The following SNX1 variants were observed in gnomAD, a reference collection of about 807,000 sequenced individuals.
SNX1 encodes sorting nexin 1.
SNX1 carries 36 observed loss-of-function variants against 71.8 expected under a neutral mutation model. The observed-to-expected ratio is 0.50, with a 90% CI of 0.38 to 0.66. SNX1 has a LOEUF of 0.66. SNX1 is among the 30% of genes least tolerant of loss of function. The pLI, the probability that SNX1 is intolerant of heterozygous loss-of-function variation, is 0.00. For missense variants in SNX1, 612 were observed against 646.7 expected (o/e 0.95, Z 0.58); for synonymous variants, 254 against 240.7 (o/e 1.06, Z -0.51).
At chr15:64,112,493 G>A (rs2081086493) in intron 1 of SNX1, 80 bp from the exon 2 acceptor site, 1 of 797,958 alleles carries the variant, frequency 1.3e-6, no homozygotes, top group Non-Finnish European at 2.1e-6. Context: ...AACTGAGGGA[G>A]GCATTAAAAG....
At chr15:64,116,988 A>G (rs180846196) in intron 2 of SNX1, among the ~76,000 whole-genome samples, 26 of 152,296 alleles carry the variant, frequency 1.7e-4, no homozygotes, top group Middle Eastern at 6.8e-3. Context: ...CACAAATTGG[A>G]TAGCATATAG....
Position 64,134,633 on chromosome 15 carries a change from G to T in SNX1, c.1222-31G>T, listed in dbSNP as rs1567332869. 2 of 1,593,868 alleles carry T rather than the reference G, an allele frequency of 1.3e-6. No individual in the cohort carries two copies. The highest frequency in any genetic ancestry group is 2.3e-5 in the South Asian group (2 of 87,962). ...AGCCAGCAGAGCTCTTGAAGAGCTG[G>T]TTGTGCTCCTCCTCAACCCCACCCC... On this transcript the variant is annotated intron_variant, in intron 11 of 14. Coordinates refer to ENST00000559844, the MANE Select transcript of SNX1 (RefSeq NM_003099.5). This position sits in a 1 kb window ranked among gnomAD's most constrained non-coding sequence, Gnocchi z 4.1.
chr15:64,111,180 T>C (rs886186623), intron 1 of SNX1, among the ~76,000 whole-genome samples: 8 of 152,104 alleles, frequency 5.3e-5, no homozygotes, highest in African/African-American at 1.9e-4. Context: ...TGGTTGGTTA[T>C]TGGTGATGTG....
chr15:64,116,419 C>T (rs1238976728), intron 2 of SNX1, among the ~76,000 whole-genome samples: 2 of 152,158 alleles, frequency 1.3e-5, no homozygotes, highest in Non-Finnish European at 1.5e-5. Flanking sequence ...GTTTTATACT[C>T]CCACCCCAGA....
At chr15:64,100,604 CAAAAAAAA>C (rs34663775) in intron 1 of SNX1, among the ~76,000 whole-genome samples, 133 of 102,564 alleles carry the variant, frequency 1.3e-3, no homozygotes, top group Non-Finnish European at 1.3e-3. Context: ...AACTCCATCT[CAAAAAAAA>C]AAAAAAAAAA....
intron 9 of SNX1, 57 bp from the exon 10 acceptor site, chr15:64,130,171 G>A (rs566936527): frequency 6.6e-7 from 1 of 1,523,742 alleles, no homozygotes; most frequent in African/African-American, 1.4e-5. Context: ...GCTAAAGAAA[G>A]ACTGTACTGC....
intron 1 of SNX1, among the ~76,000 whole-genome samples, chr15:64,105,652 C>T (rs375536966): frequency 1.3e-5 from 2 of 152,168 alleles, no homozygotes; most frequent in Admixed American, 6.5e-5. Flanking sequence ...GATTCTTCTG[C>T]GGTTTTCTGG....
At chr15:64,135,036 C>T (rs1343886552) in intron 12 of SNX1, 10 of 535,630 alleles carry the variant, frequency 1.9e-5, no homozygotes, top group East Asian at 6.7e-5. Flanking sequence ...ATCTCTGGCC[C>T]GGCATGGTGG....
intron 13 of SNX1, among the ~76,000 whole-genome samples, chr15:64,136,645 C>T (rs776624497): frequency 5.3e-5 from 8 of 152,152 alleles, no homozygotes; most frequent in Non-Finnish European, 1.0e-4. Flanking sequence ...CATATACCCT[C>T]GGTCCCCTGT....
chr15:64,102,968 C>T (rs909758999), intron 1 of SNX1, among the ~76,000 whole-genome samples: 3 of 151,710 alleles, frequency 2.0e-5, no homozygotes, highest in African/African-American at 2.4e-5. Flanking sequence ...GGTTTTGCCA[C>T]GTTGCCTAGG....
chr15:64,100,872 C>G (rs1426398677), intron 1 of SNX1, among the ~76,000 whole-genome samples: 1 of 152,218 alleles, frequency 6.6e-6, no homozygotes, highest in Admixed American at 6.5e-5. Flanking sequence ...GTGGCACCAT[C>G]ATGGCTCACT....
At chr15:64,136,489 G>A (rs1439133523) in intron 13 of SNX1, 79 bp downstream of exon 13, 26 of 1,272,888 alleles carry the variant, frequency 2.0e-5, no homozygotes, top group Non-Finnish European at 2.9e-5. Flanking sequence ...CAACTCTGTT[G>A]GGTAAAGAGA....
chr15:64,096,712 T>A (rs1393586345), intron 1 of SNX1, among the ~76,000 whole-genome samples: 1 of 152,170 alleles, frequency 6.6e-6, no homozygotes, highest in Non-Finnish European at 1.5e-5. Context: ...TCTAGGAAAA[T>A]CAGGCCAGAG....
chr15:64,136,269 G>A (rs1399468984), intron 12 of SNX1, 61 bp from the exon 13 acceptor site: 13 of 1,348,130 alleles, frequency 9.6e-6, no homozygotes, highest in Non-Finnish European at 1.3e-5. Context: ...CTGTCCAAAT[G>A]TGAAGGCTTA....
intron 4 of SNX1, among the ~76,000 whole-genome samples, chr15:64,119,198 C>G (rs544946254): frequency 6.6e-6 from 1 of 152,258 alleles, no homozygotes; most frequent in East Asian, 1.9e-4. Flanking sequence ...AGCTCACTAT[C>G]ATCTCCAGCT....
At chr15:64,100,143 G>A (rs892090382) in intron 1 of SNX1, among the ~76,000 whole-genome samples, 4 of 152,174 alleles carry the variant, frequency 2.6e-5, no homozygotes, top group South Asian at 2.1e-4. Flanking sequence ...TGGTATGCCC[G>A]TAATTTCCTG....
chr15:64,125,305 AAC>A (rs2081239433), intron 5 of SNX1, among the ~76,000 whole-genome samples: 2 of 152,040 alleles, frequency 1.3e-5, no homozygotes, highest in South Asian at 4.2e-4. Flanking sequence ...TCTACTAAAA[AAC>A]TATAAAAATT....
intron 1 of SNX1, among the ~76,000 whole-genome samples, chr15:64,099,192 G>C (rs987185483): frequency 6.6e-6 from 1 of 152,122 alleles, no homozygotes; most frequent in Non-Finnish European, 1.5e-5. Context: ...TCTATGGCTG[G>C]CTAGCTTATC....
chr15:64,132,839 C>G (rs2081320900), intron 11 of SNX1, among the ~76,000 whole-genome samples: 1 of 152,228 alleles, frequency 6.6e-6, no homozygotes, highest in Non-Finnish European at 1.5e-5. Flanking sequence ...TGCTCATTGT[C>G]CTCTCCCATT....
Sources: allele counts gnomAD v4.1 joint callset (sites outside exome capture counted in the v4.1 genomes callset), GRCh38; gene constraint gnomAD v4.1.1; non-coding constraint Gnocchi (gnomAD v3.1); transcripts MANE v1.5; gene names NCBI Gene and HGNC (gene_info 2026-07-23, HGNC 2026-07-21).